Variants in ZBTB38 observed in about 807,000 individuals in gnomAD.
ZBTB38 encodes the protein zinc finger and BTB domain containing 38.
Under a neutral mutation model 76.8 loss-of-function variants are expected in ZBTB38, and 20 were observed. The observed-to-expected ratio is 0.26, with a 90% CI of 0.18 to 0.38. ZBTB38 has a LOEUF of 0.38. Among genes scored for constraint, ZBTB38 ranks in the 10% least tolerant of loss-of-function variants. The pLI, the probability that ZBTB38 is intolerant of heterozygous loss-of-function variation, is 1.00. For synonymous variants in ZBTB38, 504 were observed against 544.2 expected, an observed-to-expected ratio of 0.93 and a Z score of 1.03; for missense variants, 1,082 against 1,482.3, an observed-to-expected ratio of 0.73 and a Z score of 4.43.
chr3:141,326,033 TAAC>T (rs1053438526), intron 1 of ZBTB38, among the ~76,000 whole-genome samples: 26 of 152,234 alleles, frequency 1.7e-4, no homozygotes, highest in African/African-American at 5.8e-4. Flanking sequence ...AAAAAAAAAG[TAAC>T]AACATTTTTT....
chr3:141,435,325 C>A (rs972290170), intron 5 of ZBTB38, among the ~76,000 whole-genome samples: 1 of 152,028 alleles, frequency 6.6e-6, no homozygotes, highest in Non-Finnish European at 1.5e-5. Context: ...GTTTTGGATG[C>A]TGAATTATAT....
rs765207160 is a variant in ZBTB38 at position 141,443,225 on chromosome 3, A to G, written c.837A>G (p.Thr279=). The change falls in exon 6 of 6, where the codon ACA becomes ACG. Residue 279 remains threonine (T), a synonymous_variant. Coordinates refer to ENST00000321464, the MANE Select transcript of ZBTB38 (RefSeq NM_001376113.1). This position sits in a 1 kb window ranked among gnomAD's most constrained non-coding sequence, Gnocchi z 5.6. ...TACCACAGGATTCGGATTCAGCCAC[A>G]GAAAATATACCACCCCCTCCAGTAT... is the stretch of plus-strand genomic sequence containing the variant. The part of the protein sequence containing the change: ...FSIPQDSDSA[T]ENIPPPPVSN... 1 of 1,614,264 alleles carries G rather than the reference A, an allele frequency of 6.2e-7. No individual in the cohort carries two copies. The highest frequency in any genetic ancestry group is 2.2e-5 in the East Asian group (1 of 44,890).
In ZBTB38 at chr3:141,444,907, C is replaced by T. The variant is rs1198377501; in HGVS notation, c.2519C>T (p.Thr840Ile). The T allele has an allele frequency of 1.4e-5, 23 of 1,614,116 alleles. No individual in the cohort carries two copies. Among genetic ancestry groups the T allele is most frequent in the Non-Finnish European group, 1.7e-5 (20 of 1,180,016 alleles). Residue 840 changes from threonine to isoleucine, a missense_variant, in exon 6 of 6, where the codon ACA (threonine) becomes ATA (isoleucine). Thr to Ile is a moderately conservative substitution (Grantham distance 89, BLOSUM62 -1). Around this residue, in one of 8 missense-constraint regions of ZBTB38, gnomAD observed 471 missense variants for 581.0 expected, o/e 0.81. Transcript: ENST00000321464. The surrounding 1 kb of genome is among the most constrained non-coding windows in gnomAD (Gnocchi z 5.1). ...NSNVAPLCQI[T>I]VKIGNEAIVK... is the part of the protein sequence containing the mutation. ...AATGTTGCACCCCTTTGCCAAATAA[C>T]AGTGAAAATTGGAAACGAAGCCATT...
chr3:141,407,946 A>G (rs61332214), intron 5 of ZBTB38, among the ~76,000 whole-genome samples: 11,144 of 152,220 alleles, frequency 0.073, 1,389 homozygotes, highest in African/African-American at 0.25. Context: ...GCATCATCTC[A>G]TTGCTCTCTG....
chr3:141,342,108 C>G (rs151299997), intron 1 of ZBTB38, among the ~76,000 whole-genome samples: 1 of 152,102 alleles, frequency 6.6e-6, no homozygotes, highest in Non-Finnish European at 1.5e-5. Flanking sequence ...AGGTGGATCA[C>G]GAGTTCAGGA....
intron 5 of ZBTB38, chr3:141,426,286 G>A: frequency 1.1e-6 from 1 of 907,728 alleles, no homozygotes; most frequent in Non-Finnish European, 1.5e-6. Context: ...CCCAAACCCT[G>A]GCTCAGTGTC....
chr3:141,363,673 A>T (rs1003794067), upstream of ZBTB38, among the ~76,000 whole-genome samples: 1 of 152,198 alleles, frequency 6.6e-6, no homozygotes, highest in Admixed American at 6.5e-5. Context: ...ATTTTAGAAT[A>T]GTTTTTTAAA....
chr3:141,330,952 T>G (rs1403169805), intron 1 of ZBTB38, among the ~76,000 whole-genome samples: 1 of 152,228 alleles, frequency 6.6e-6, no homozygotes, highest in Non-Finnish European at 1.5e-5. Flanking sequence ...AGGAAATACA[T>G]TTCTTTCCTT....
chr3:141,406,392 C>T (rs1344673), intron 5 of ZBTB38, among the ~76,000 whole-genome samples: 5,760 of 152,214 alleles, frequency 0.038, 123 homozygotes, highest in Non-Finnish European at 0.045. Flanking sequence ...GGAATAGATG[C>T]AAAGGGAAGA....
intron 2 of ZBTB38, among the ~76,000 whole-genome samples, chr3:141,380,094 A>G (rs1489694563): frequency 6.6e-6 from 1 of 152,240 alleles, no homozygotes; most frequent in Non-Finnish European, 1.5e-5. Flanking sequence ...GCTAGAAATT[A>G]AGGAATATGG....
chr3:141,341,004 A>AAAGAGAAAG (rs1943182840), intron 1 of ZBTB38, among the ~76,000 whole-genome samples: 1 of 151,148 alleles, frequency 6.6e-6, no homozygotes, highest in South Asian at 2.1e-4. Flanking sequence ...AAGAAGAAAG[A>AAAGAGAAAG]AAGAAAGAAA....
At chr3:141,378,055 G>A (rs1945644361) in intron 2 of ZBTB38, among the ~76,000 whole-genome samples, 1 of 152,078 alleles carries the variant, frequency 6.6e-6, no homozygotes, top group Non-Finnish European at 1.5e-5. Flanking sequence ...GCGTGCACCT[G>A]TGGTCTCAGC....
In ZBTB38 at chr3:141,380,695, C is replaced by T. The variant is rs565391020; in HGVS notation, c.-234-730C>T. Among the ~76,000 whole-genome samples the T allele has an allele frequency of 3.9e-5, 6 of 152,286 alleles. No individual in the cohort carries two copies. In the South Asian group the frequency reaches 6.2e-4, roughly 16 times the overall value. On this transcript the variant is annotated intron_variant, in intron 2 of 5. Coordinates refer to ENST00000321464, the MANE Select transcript of ZBTB38 (RefSeq NM_001376113.1). ...GTGGGCTTAGGTAGATAATTCAATA[C>T]AACCAAAATGCATTGTGTTTTTTTC... is the stretch of plus-strand genomic sequence containing the variant.
exon 1 of ZBTB38, chr3:141,324,338 C>G (rs1025846384): frequency 6.6e-6 from 1 of 152,242 alleles, no homozygotes; most frequent in Non-Finnish European, 1.5e-5. Flanking sequence ...AACATTCCCA[C>G]CCAGGGTTAT....
chr3:141,345,917 C>T (rs540475204), intron 1 of ZBTB38, among the ~76,000 whole-genome samples: 1 of 152,258 alleles, frequency 6.6e-6, no homozygotes. Flanking sequence ...CAAGGCCACC[C>T]CCACTGAGAA....
chr3:141,420,574 T>C (rs1429403630), intron 5 of ZBTB38, among the ~76,000 whole-genome samples: 1 of 152,272 alleles, frequency 6.6e-6, no homozygotes, highest in Non-Finnish European at 1.5e-5. Context: ...TGATGTGTGC[T>C]CAGTTTCCTT....
intron 1 of ZBTB38, among the ~76,000 whole-genome samples, chr3:141,341,407 C>CA (rs1943194950): frequency 6.6e-6 from 1 of 152,098 alleles, no homozygotes; most frequent in Non-Finnish European, 1.5e-5. Flanking sequence ...TCATAATAGC[C>CA]AAAAAAGTAG....
chr3:141,383,332 C>G (rs769462506), intron 3 of ZBTB38, among the ~76,000 whole-genome samples: 1 of 152,132 alleles, frequency 6.6e-6, no homozygotes, highest in Non-Finnish European at 1.5e-5. Context: ...AAATCTTAAA[C>G]TTTTTAAATA....
In ZBTB38 at chr3:141,381,765, C is replaced by T. The variant is rs76816001; in HGVS notation, c.-172+278C>T. Among the ~76,000 whole-genome samples the T allele has an allele frequency of 1.1e-3, 163 of 152,284 alleles. 1 individual carries two copies. The highest frequency in any genetic ancestry group is 3.9e-3 in the African/African-American group (160 of 41,548). The stretch of plus-strand genomic sequence containing the variant: ...AGCAGGATAGTCAGCTGGCCACCTA[C>T]ACCAGAAGACAGGAGACTTGGAGTC... On this transcript the variant is annotated intron_variant, in intron 3 of 5. Coordinates refer to ENST00000321464, the MANE Select transcript of ZBTB38 (RefSeq NM_001376113.1).
Sources: allele counts gnomAD v4.1 joint callset (sites outside exome capture counted in the v4.1 genomes callset), GRCh38; gene constraint gnomAD v4.1.1; regional missense constraint gnomAD v4.1.1; non-coding constraint Gnocchi (gnomAD v3.1); transcripts MANE v1.5; gene names NCBI Gene and HGNC (gene_info 2026-07-23, HGNC 2026-07-21).